The following ADAMTS17 variants were observed in gnomAD, a reference collection of about 807,000 sequenced individuals.
ADAMTS17 encodes A disintegrin and metalloproteinase with thrombospondin motifs 17.
A neutral mutation model predicts 141.5 loss-of-function variants in ADAMTS17; 113 were observed. The ratio of observed to expected loss-of-function variants is 0.80; its 90% CI spans 0.69 to 0.93. The LOEUF is 0.93. ADAMTS17 is among the 40% of genes least tolerant of loss of function. ADAMTS17 has a pLI of 0.00. For missense variants in ADAMTS17, 1,659 were observed against 1,517.9 expected, an observed-to-expected ratio of 1.09 and a Z score of -1.54; for synonymous variants, 768 against 630.6, an observed-to-expected ratio of 1.22 and a Z score of -3.27.
Position 100,199,424 on chromosome 15 carries a change from C to G in ADAMTS17, c.1076-1G>C. On this transcript the variant is annotated splice_acceptor_variant, in intron 7 of 21. Transcript: ENST00000268070. LOFTEE classifies it high-confidence loss of function. ...CACACACCTCCTAAGTAAGCAATTC[C>G]TGCAGCAGAGACACAAAACACATCC... The G allele has an allele frequency of 6.2e-7, 1 of 1,613,874 alleles. No individual in the cohort carries two copies. Among genetic ancestry groups the G allele is most frequent in the Non-Finnish European group, 8.5e-7 (1 of 1,179,780 alleles).
chr15:100,175,222 G>A lies in ADAMTS17; in HGVS notation c.1182-19902C>T, dbSNP rs74893776. Among the ~76,000 whole-genome samples the A allele has an allele frequency of 8.0e-3, 1,221 of 152,310 alleles. 31 individuals are homozygous for A. The highest frequency in any genetic ancestry group is 0.049 in the East Asian group (253 of 5,184). ...CTCTGATATTGCCTTTTATTTAAATGTCTGCTTTCAACTTGTGTTTATGGA... is the reference window on the plus strand; with the variant it reads ...CTCTGATATTGCCTTTTATTTAAATATCTGCTTTCAACTTGTGTTTATGGA... On this transcript the variant is annotated intron_variant, in intron 8 of 21. Coordinates refer to ENST00000268070, the MANE Select transcript of ADAMTS17 (RefSeq NM_139057.4).
chr15:100,068,402 T>C (rs961263326), intron 15 of ADAMTS17, among the ~76,000 whole-genome samples: 4 of 151,946 alleles, frequency 2.6e-5, no homozygotes, highest in Non-Finnish European at 5.9e-5. Flanking sequence ...TTGAAGAGAG[T>C]AGTGGTTCTC....
chr15:100,048,589 A>ATTTTTT (rs3062438), intron 18 of ADAMTS17, among the ~76,000 whole-genome samples: 2 of 92,356 alleles, frequency 2.2e-5, no homozygotes, highest in African/African-American at 4.3e-5. Context: ...GGTGATGGCC[A>ATTTTTT]TTTTTTTTTT....
intron 2 of ADAMTS17, among the ~76,000 whole-genome samples, chr15:100,336,305 A>C (rs1230614685): frequency 1.3e-5 from 2 of 152,150 alleles, no homozygotes; most frequent in African/African-American, 2.4e-5. Context: ...GCAGGGCTGG[A>C]GAGGACAAAG....
chr15:100,330,998 G>T lies in ADAMTS17; in HGVS notation c.507C>A (p.Ser169=). The change falls in exon 3 of 22, where the codon TCC becomes TCA. Residue 169 remains serine, a synonymous_variant. Coordinates refer to ENST00000268070, the MANE Select transcript of ADAMTS17 (RefSeq NM_139057.4). ...EQVLIQPLNN[S]QGPFSGREHL... ...GTTCTCGTCCACTGAATGGGCCCTG[G>T]GAGTTGTTGAGGGGCTGGATTAGCA... 1 of 1,614,156 alleles carries T rather than the reference G, an allele frequency of 6.2e-7. No individual in the cohort carries two copies. Among genetic ancestry groups the T allele is most frequent in the Non-Finnish European group, 8.5e-7 (1 of 1,180,038 alleles).
intron 20 of ADAMTS17, among the ~76,000 whole-genome samples, chr15:99,988,573 C>A (rs2060634465): frequency 6.6e-6 from 1 of 152,202 alleles, no homozygotes; most frequent in South Asian, 2.1e-4. Flanking sequence ...CCCTCACATC[C>A]CACAAATCCC....
At chr15:100,280,010 T>A (rs1201255820) in intron 4 of ADAMTS17, among the ~76,000 whole-genome samples, 1 of 152,046 alleles carries the variant, frequency 6.6e-6, no homozygotes, top group East Asian at 1.9e-4. Context: ...GGGCTGGTGC[T>A]CCATGGGCTG....
intron 17 of ADAMTS17, among the ~76,000 whole-genome samples, chr15:100,051,362 GCA>G (rs2032129531): frequency 6.6e-6 from 1 of 152,218 alleles, no homozygotes; most frequent in Non-Finnish European, 1.5e-5. Context: ...TGGGCCCCAG[GCA>G]AAGCAGAGGT....
intron 3 of ADAMTS17, among the ~76,000 whole-genome samples, chr15:100,314,709 T>C (rs1048707743): frequency 5.3e-5 from 8 of 152,142 alleles, no homozygotes; most frequent in Admixed American, 5.2e-4. Context: ...GGTGAGAACA[T>C]GGACAGGCAT....
intron 14 of ADAMTS17, among the ~76,000 whole-genome samples, chr15:100,102,123 G>A (rs1384562671): frequency 1.3e-5 from 2 of 152,206 alleles, no homozygotes; most frequent in African/African-American, 2.4e-5. Context: ...TAGTTTGGCT[G>A]CACGGAGAAC....
intron 8 of ADAMTS17, among the ~76,000 whole-genome samples, chr15:100,156,723 G>C (rs949493508): frequency 1.3e-5 from 2 of 152,198 alleles, no homozygotes; most frequent in African/African-American, 4.8e-5. Context: ...CTGTCCAACT[G>C]GGTGTGGGCA....
At chr15:100,084,997 G>A (rs2035004102) in intron 15 of ADAMTS17, among the ~76,000 whole-genome samples, 1 of 152,196 alleles carries the variant, frequency 6.6e-6, no homozygotes. Context: ...GATGGAGAAT[G>A]ACTTTGATGA....
At chr15:100,180,042 T>C (rs2141523022) in intron 8 of ADAMTS17, among the ~76,000 whole-genome samples, 1 of 152,202 alleles carries the variant, frequency 6.6e-6, no homozygotes, top group East Asian at 1.9e-4. Flanking sequence ...GTGATCCCAT[T>C]TGTCCAATTT....
intron 15 of ADAMTS17, among the ~76,000 whole-genome samples, chr15:100,072,660 G>C (rs1474325566): frequency 1.3e-5 from 2 of 152,176 alleles, no homozygotes; most frequent in Non-Finnish European, 2.9e-5. Context: ...ATGGGGAAAG[G>C]ATTCCCTATT....
At position 100,070,123 on chromosome 15, in the gene ADAMTS17, C is replaced by T. The variant is rs1211449291; in HGVS notation, c.2138-16069G>A. On this transcript the variant is annotated intron_variant, in intron 15 of 21. Coordinates refer to ENST00000268070, the MANE Select transcript of ADAMTS17 (RefSeq NM_139057.4). ...TCTGATAAAACAGACTTTAATCCAACAAAGATCAAAAGAGACAAAGAAGGC... is the reference window on the plus strand; with the variant it reads ...TCTGATAAAACAGACTTTAATCCAATAAAGATCAAAAGAGACAAAGAAGGC... Among the ~76,000 whole-genome samples, 14 of 150,168 alleles carry T rather than the reference C, an allele frequency of 9.3e-5. 3 individuals carry two copies. Among genetic ancestry groups the T allele is most frequent in the Non-Finnish European group, 1.8e-4 (12 of 67,456 alleles).
At chr15:100,300,036 T>C (rs2044973162) in intron 3 of ADAMTS17, among the ~76,000 whole-genome samples, 1 of 152,178 alleles carries the variant, frequency 6.6e-6, no homozygotes, top group African/African-American at 2.4e-5. Context: ...AAGAAAAGAA[T>C]AAAGCAATCC....
At position 100,268,188 on chromosome 15, in the gene ADAMTS17, T is replaced by C. The variant is rs114268355; in HGVS notation, c.790-5753A>G. Among the ~76,000 whole-genome samples, 1,431 of 152,342 alleles carry C rather than the reference T, an allele frequency of 9.4e-3. 16 individuals are homozygous for C. Among genetic ancestry groups the C allele is most frequent in the African/African-American group, 0.033 (1,352 of 41,568 alleles). ...TGTATATGTACCACATTTTCTTTTA[T>C]CTAGTTTACCACTGATGGGCATCTA... On this transcript the variant is annotated intron_variant, in intron 4 of 21. Transcript: ENST00000268070.
At chr15:100,256,166 C>G (rs2043320494) in intron 6 of ADAMTS17, among the ~76,000 whole-genome samples, 1 of 152,200 alleles carries the variant, frequency 6.6e-6, no homozygotes, top group Non-Finnish European at 1.5e-5. Context: ...GACAAACCCC[C>G]AGGCAGGGAC....
At chr15:100,264,128 T>A (rs577044654) in intron 4 of ADAMTS17, among the ~76,000 whole-genome samples, 1 of 152,368 alleles carries the variant, frequency 6.6e-6, no homozygotes, top group Admixed American at 6.5e-5. Flanking sequence ...AGTTGTTCTG[T>A]TCTCACTTCT....
Sources: allele counts gnomAD v4.1 joint callset (sites outside exome capture counted in the v4.1 genomes callset), GRCh38; gene constraint gnomAD v4.1.1; transcripts MANE v1.5; gene names NCBI Gene and HGNC (gene_info 2026-07-23, HGNC 2026-07-21).